The following FARP2 variants were observed in gnomAD, a reference collection of about 807,000 sequenced individuals.
FARP2 encodes the protein FERM, ARHGEF and pleckstrin domain-containing protein 2.
A neutral mutation model predicts 130.5 loss-of-function variants in FARP2; 111 were observed. The observed-to-expected ratio is 0.85, with a 90% confidence interval of 0.73 to 1.00. FARP2 has a LOEUF of 1.00. Ranked by LOEUF, FARP2 falls within the 50% of genes least tolerant of loss-of-function variation. The pLI is 0.00. For synonymous variants in FARP2, 504 were observed against 516.9 expected, an observed-to-expected ratio of 0.98 and a Z score of 0.34; for missense variants, 1,385 against 1,346.3, an observed-to-expected ratio of 1.03 and a Z score of -0.45.
chr2:241,432,568 T>C (rs901153114), intron 9 of FARP2, among the ~76,000 whole-genome samples: 1 of 152,228 alleles, frequency 6.6e-6, no homozygotes, highest in Admixed American at 6.5e-5. Context: ...ATTCAGAAAT[T>C]GATCTTTGAA....
intron 1 of FARP2, among the ~76,000 whole-genome samples, chr2:241,366,138 T>TATACATATACGTATATATATATAC (rs1491421503): frequency 7.2e-6 from 1 of 138,442 alleles, no homozygotes; most frequent in Admixed American, 7.9e-5. Flanking sequence ...TATATATATA[T>TATACATATACGTATATATATATAC]ACACACACAC....
At chr2:241,381,780 A>G (rs1490821626) in intron 2 of FARP2, among the ~76,000 whole-genome samples, 3 of 152,186 alleles carry the variant, frequency 2.0e-5, no homozygotes, top group Non-Finnish European at 4.4e-5. Flanking sequence ...TTCAAGTTAT[A>G]TGATTATTTC....
At chr2:241,449,281 C>T (rs1178286777) in intron 13 of FARP2, among the ~76,000 whole-genome samples, 3 of 150,606 alleles carry the variant, frequency 2.0e-5, no homozygotes, top group East Asian at 2.0e-4. Flanking sequence ...GGCAATATAG[C>T]GAGACCCGGT....
At chr2:241,388,822 T>C (rs2061845076) in intron 2 of FARP2, among the ~76,000 whole-genome samples, 1 of 151,500 alleles carries the variant, frequency 6.6e-6, no homozygotes, top group African/African-American at 2.4e-5. Context: ...AGTGAGATCC[T>C]GTCCCAAAAA....
intron 13 of FARP2, chr2:241,443,593 C>G (rs2063444552): frequency 6.6e-6 from 1 of 152,278 alleles, no homozygotes. Flanking sequence ...GAGAGCTTCT[C>G]AGTCTAAACC....
chr2:241,465,625 G>A (rs1231942152), intron 17 of FARP2: 2 of 1,550,574 alleles, frequency 1.3e-6, no homozygotes, highest in Admixed American at 2.0e-5. Context: ...ACTGTTCAGG[G>A]GTCTCACTCT....
In FARP2 at chr2:241,441,305, G is replaced by C. The variant is rs1329671243; in HGVS notation, c.1160G>C (p.Ser387Thr). ...RALTADLPKQ[S>T]ISFPEGLRTP... ...TCTTTTCTTAACTTTGGTTCCCAGA[G>C]CATCTCATTCCCCGAGGGATTGAGG... The change falls in exon 13 of 27, where the codon AGC (serine) becomes ACC (threonine). Residue 387 changes from serine (S) to threonine (T), a missense_variant and splice_region_variant. Transcript: ENST00000264042. 1.3e-6 allele frequency: 2 copies of C among 1,574,180 alleles called. No individual in the cohort carries two copies. Among genetic ancestry groups the C allele is most frequent in the Non-Finnish European group, 8.6e-7 (1 of 1,159,238 alleles).
chr2:241,454,371 T>C (rs1275583773), intron 13 of FARP2, among the ~76,000 whole-genome samples: 1 of 152,104 alleles, frequency 6.6e-6, no homozygotes, highest in Non-Finnish European at 1.5e-5. Flanking sequence ...CCAGAAGCAA[T>C]GAGTGGGAGA....
chr2:241,492,194 C>G (rs1242343525), intron 24 of FARP2, among the ~76,000 whole-genome samples: 1 of 152,146 alleles, frequency 6.6e-6, no homozygotes, highest in Non-Finnish European at 1.5e-5. Flanking sequence ...TTTTTGCTGT[C>G]TCCCCATAAT....
intron 2 of FARP2, among the ~76,000 whole-genome samples, chr2:241,388,380 A>G (rs992147056): frequency 3.3e-5 from 5 of 152,246 alleles, no homozygotes; most frequent in African/African-American, 1.2e-4. Flanking sequence ...ATCCACATGC[A>G]AAGAATGAAT....
intron 18 of FARP2, among the ~76,000 whole-genome samples, chr2:241,472,592 G>A (rs1241401204): frequency 6.6e-6 from 1 of 151,676 alleles, no homozygotes; most frequent in African/African-American, 2.4e-5. Context: ...TGTTCTGAAG[G>A]GAATGCTATT....
In FARP2 at chr2:241,483,672, G is replaced by A. The variant is rs576244824; in HGVS notation, c.2331+139G>A. 2.6e-5 allele frequency: 33 copies of A among 1,247,904 alleles called. No individual in the cohort carries two copies. In the East Asian group the frequency reaches 3.0e-4, roughly 11 times the overall value. The allele number at this position is 1,247,904 out of a possible 1,614,324, so 77.3% of individuals were successfully genotyped here. ...GGAGGCTTTGGTCCAGGTGGGTAGC[G>A]TTGGAGTCAGACAGGGCCAGGGGAG... On this transcript the variant is annotated intron_variant, in intron 20 of 26. Coordinates refer to ENST00000264042, the MANE Select transcript of FARP2 (RefSeq NM_014808.4).
intron 13 of FARP2, chr2:241,446,087 A>T (rs2150426165): frequency 6.6e-6 from 1 of 152,364 alleles, no homozygotes; most frequent in South Asian, 2.1e-4. Flanking sequence ...AAGTCCAGGT[A>T]CTTTATGTAG....
At chr2:241,417,021 C>T (rs1280387645) in intron 7 of FARP2, among the ~76,000 whole-genome samples, 1 of 151,548 alleles carries the variant, frequency 6.6e-6, no homozygotes, top group Non-Finnish European at 1.5e-5. Context: ...AAGGAGATGG[C>T]CGGGCGCAGT....
intron 14 of FARP2, among the ~76,000 whole-genome samples, chr2:241,461,907 G>A (rs1166203288): frequency 4.6e-5 from 7 of 152,252 alleles, no homozygotes; most frequent in Non-Finnish European, 5.9e-5. Flanking sequence ...AGGCCATCAT[G>A]AGGCATGTGC....
intron 18 of FARP2, among the ~76,000 whole-genome samples, chr2:241,470,987 G>T (rs1238360914): frequency 2.6e-5 from 4 of 151,574 alleles, no homozygotes; most frequent in South Asian, 2.1e-4. Flanking sequence ...TGTTATTCTG[G>T]GGGGGACACT....
intron 23 of FARP2, among the ~76,000 whole-genome samples, 160 bp from the exon 24 acceptor site, chr2:241,491,356 T>A (rs2064901257): frequency 6.6e-6 from 1 of 152,224 alleles, no homozygotes; most frequent in Admixed American, 6.5e-5. Context: ...TCAGCTGCTC[T>A]GGCAGAAGCA....
chr2:241,441,668 C>T, intron 13 of FARP2, 112 bp downstream of exon 13: 1 of 1,459,138 alleles, frequency 6.9e-7, no homozygotes, highest in Non-Finnish European at 9.6e-7. Context: ...CTCAGCGCTG[C>T]TTGTAAAAAT....
chr2:241,376,548 C>T (rs2061540082), intron 2 of FARP2, among the ~76,000 whole-genome samples: 1 of 152,234 alleles, frequency 6.6e-6, no homozygotes, highest in African/African-American at 2.4e-5. Context: ...GGAAGTCCAC[C>T]CTGCATAGCC....
Sources: gnomAD v4.1 joint callset for allele counts (sites outside exome capture counted in the v4.1 genomes callset) on GRCh38, gnomAD v4.1.1 for gene constraint, MANE v1.5 for transcripts, NCBI Gene and HGNC (gene_info 2026-07-23, HGNC 2026-07-21) for gene names.